ATXN7L1: variants seen among roughly 807,000 people sequenced by gnomAD.
ATXN7L1 encodes ataxin-7-like protein 1.
ATXN7L1 carries 15 observed loss-of-function variants against 70.8 expected under a neutral mutation model. The observed-to-expected ratio is 0.21, with a 90% CI of 0.14 to 0.33. ATXN7L1 has a LOEUF of 0.33. Among genes scored for constraint, ATXN7L1 ranks in the 10% least tolerant of loss-of-function variants. The probability of loss-of-function intolerance (pLI) is 1.00; values close to 1 mark genes in which losing one functional copy is unlikely to be tolerated. For missense variants in ATXN7L1, 975 were observed against 1,097.1 expected, an observed-to-expected ratio of 0.89 and a Z score of 1.57; for synonymous variants, 440 against 445.1, an observed-to-expected ratio of 0.99 and a Z score of 0.14.
intron 3 of ATXN7L1, among the ~76,000 whole-genome samples, chr7:105,721,018 C>T (rs1412849201): frequency 6.6e-6 from 1 of 152,170 alleles, no homozygotes; most frequent in Admixed American, 6.5e-5. Flanking sequence ...CCTCTAACCC[C>T]ACACAAATTC....
intron 3 of ATXN7L1, chr7:105,679,209 A>T: frequency 1.1e-6 from 1 of 922,358 alleles, no homozygotes; most frequent in Non-Finnish European, 1.3e-6. Flanking sequence ...AGACGAGATT[A>T]GGGAAAGGCA....
intron 3 of ATXN7L1, among the ~76,000 whole-genome samples, chr7:105,756,422 C>A (rs1253132462): frequency 1.3e-5 from 2 of 152,102 alleles, no homozygotes; most frequent in African/African-American, 4.8e-5. Flanking sequence ...CAATTGGAAG[C>A]GACCAGGGAA....
intron 4 of ATXN7L1, among the ~76,000 whole-genome samples, chr7:105,664,136 T>C (rs943998140): frequency 5.3e-5 from 8 of 152,076 alleles, no homozygotes; most frequent in African/African-American, 1.9e-4. Flanking sequence ...TTTCTTCTCT[T>C]TCTCCCATGG....
intron 3 of ATXN7L1, among the ~76,000 whole-genome samples, chr7:105,750,664 A>G (rs772058930): frequency 2.0e-5 from 3 of 152,102 alleles, no homozygotes; most frequent in Non-Finnish European, 2.9e-5. Flanking sequence ...TTAGCTGGCC[A>G]TGGTGGCAGG....
At position 105,614,711 on chromosome 7, in the gene ATXN7L1, C is replaced by T; in HGVS notation, c.1623G>A (p.Val541=). The change falls in exon 10 of 12, where the codon GTG becomes GTA. Residue 541 remains valine, a synonymous_variant. Transcript: ENST00000419735. This position sits in a 1 kb window ranked among gnomAD's most constrained non-coding sequence, Gnocchi z 4.3. Reference sequence around the variant, plus strand: ...AGCTGATGGGAGCTGAAGGAAGATACACAGCACTGGGGTTGCTGAAAGGCT... The same window carrying T: ...AGCTGATGGGAGCTGAAGGAAGATATACAGCACTGGGGTTGCTGAAAGGCT... ...VLQPFSNPSA[V]YLPSAPISSR... 1.9e-6 allele frequency: 3 copies of T among 1,551,716 alleles called. No homozygotes were observed. The highest frequency in any genetic ancestry group is 1.4e-5 in the African/African-American group (1 of 73,138).
At chr7:105,651,231 C>T (rs1799783294) in intron 4 of ATXN7L1, among the ~76,000 whole-genome samples, 1 of 152,200 alleles carries the variant, frequency 6.6e-6, no homozygotes, top group African/African-American at 2.4e-5. Flanking sequence ...CTCAGGCCTT[C>T]CTGGCTCCAT....
chr7:105,681,473 C>T (rs956117529), intron 3 of ATXN7L1, among the ~76,000 whole-genome samples: 9 of 152,146 alleles, frequency 5.9e-5, no homozygotes, highest in African/African-American at 1.9e-4. Context: ...ATGGTACAGC[C>T]ACTATGAAGA....
At chr7:105,684,177 C>T (rs1376739742) in intron 3 of ATXN7L1, among the ~76,000 whole-genome samples, 3 of 152,170 alleles carry the variant, frequency 2.0e-5, no homozygotes, top group African/African-American at 7.2e-5. Flanking sequence ...ATGCCAAGCT[C>T]CCGTGTAATG....
intron 3 of ATXN7L1, among the ~76,000 whole-genome samples, chr7:105,776,143 G>A (rs746801811): frequency 8.5e-5 from 13 of 152,254 alleles, no homozygotes; most frequent in Non-Finnish European, 1.5e-4. Context: ...AATTCTCCTC[G>A]GTGGATACAG....
Position 105,866,231 on chromosome 7 carries a change from A to G in ATXN7L1, c.250+9581T>C, listed in dbSNP as rs138441430. On this transcript the variant is annotated intron_variant, in intron 2 of 11. Coordinates refer to ENST00000419735, the MANE Select transcript of ATXN7L1 (RefSeq NM_020725.2). ...TACAATTAGCATCACAGAATCAGGT[A>G]CACCGGTAAGTGCTTCTGTGTTCAA... Among the ~76,000 whole-genome samples the G allele has an allele frequency of 2.2e-3, 330 of 152,326 alleles. 2 individuals are homozygous for G. The highest frequency in any genetic ancestry group is 0.018 in the East Asian group (95 of 5,188).
chr7:105,787,868 G>A (rs899490736), intron 3 of ATXN7L1, among the ~76,000 whole-genome samples: 1 of 152,180 alleles, frequency 6.6e-6, no homozygotes, highest in Non-Finnish European at 1.5e-5. Flanking sequence ...TACAGCTTTG[G>A]AAATTGTCTA....
chr7:105,837,914 C>T (rs566652635), intron 2 of ATXN7L1, among the ~76,000 whole-genome samples: 2 of 152,090 alleles, frequency 1.3e-5, no homozygotes, highest in Non-Finnish European at 2.9e-5. Context: ...CATGTGCGCT[C>T]GCTCTCGATG....
chr7:105,733,533 TCCATCCACCCATC>T (rs1796846053), intron 3 of ATXN7L1, among the ~76,000 whole-genome samples: 1 of 104,134 alleles, frequency 9.6e-6, no homozygotes, highest in African/African-American at 4.7e-5. Context: ...CATCCATCCA[TCCATCCACCCATC>T]CATCCATCCA....
rs3835024 is a variant in ATXN7L1 at position 105,875,627 on chromosome 7, A to ACCCCC, written c.250+180_250+184dup. 1.9e-3 allele frequency among the ~76,000 whole-genome samples: 184 copies of ACCCCC among 94,776 alleles called. 7 individuals are homozygous for ACCCCC. Among genetic ancestry groups the ACCCCC allele is most frequent in the East Asian group, 0.017 (38 of 2,242 alleles). The allele number at this position is 94,776 out of a possible 152,430, so 62.2% of individuals were successfully genotyped here. On this transcript the variant is annotated intron_variant, in intron 2 of 11. Transcript: ENST00000419735. The stretch of plus-strand genomic sequence containing the variant: ...GCCTTCAACAGTCTCACCCCCCTTT[A>ACCCCC]CCCCCCCCCCAGTTGTATTTATACT...
intron 2 of ATXN7L1, among the ~76,000 whole-genome samples, chr7:105,826,794 T>C (rs1810933493): frequency 6.6e-6 from 1 of 152,208 alleles, no homozygotes; most frequent in Non-Finnish European, 1.5e-5. Flanking sequence ...ATGGTTTTTA[T>C]ACAGGTGAAC....
intron 2 of ATXN7L1, among the ~76,000 whole-genome samples, chr7:105,847,416 A>C (rs212414): frequency 0.92 from 139,685 of 152,138 alleles, 64,235 homozygotes; most frequent in East Asian, 0.98. Flanking sequence ...ACCTCTAGCA[A>C]CAAGGAGAAA....
chr7:105,619,140 GTTTTTTTTTTTT>G (rs1191774371), intron 9 of ATXN7L1, among the ~76,000 whole-genome samples: 2 of 49,846 alleles, frequency 4.0e-5, no homozygotes, highest in South Asian at 1.4e-3. Context: ...GAAATCTTTA[GTTTTTTTTTTTT>G]TTTTTTTTTT....
chr7:105,840,421 A>G (rs564985430), intron 2 of ATXN7L1, among the ~76,000 whole-genome samples: 1 of 152,310 alleles, frequency 6.6e-6, no homozygotes, highest in Non-Finnish European at 1.5e-5. Flanking sequence ...GGCTGCAGGT[A>G]GCAGGAAATG....
intron 7 of ATXN7L1, among the ~76,000 whole-genome samples, chr7:105,638,152 G>T (rs1797658813): frequency 6.6e-6 from 1 of 152,234 alleles, no homozygotes; most frequent in South Asian, 2.1e-4. Context: ...GATGACAGCA[G>T]TAAAATCTGT....
Sources: allele counts gnomAD v4.1 joint callset (sites outside exome capture counted in the v4.1 genomes callset), GRCh38; gene constraint gnomAD v4.1.1; non-coding constraint Gnocchi (gnomAD v3.1); transcripts MANE v1.5; gene names NCBI Gene and HGNC (gene_info 2026-07-23, HGNC 2026-07-21).